The following ROBO2 variants were observed in gnomAD, a reference collection of about 807,000 sequenced individuals.
The protein encoded by ROBO2 is roundabout guidance receptor 2.
A neutral mutation model predicts 160.8 loss-of-function variants in ROBO2; 53 were observed. That is an observed-to-expected ratio of 0.33 (90% confidence interval 0.26 to 0.41). The LOEUF (loss-of-function observed/expected upper bound fraction) is 0.41, where lower values mean the gene tolerates loss of function less well. Ranked by LOEUF, ROBO2 falls within the 10% of genes least tolerant of loss-of-function variation. ROBO2 has a pLI of 1.00. For synonymous variants in ROBO2, 664 were observed against 611.7 expected (o/e 1.09, Z -1.26); for missense variants, 1,577 against 1,722.4 (o/e 0.92, Z 1.49).
At chr3:76,142,464 T>C (rs560993712) in intron 2 of ROBO2, among the ~76,000 whole-genome samples, 1 of 151,976 alleles carries the variant, frequency 6.6e-6, no homozygotes, top group Non-Finnish European at 1.5e-5. Context: ...ATATACACAA[T>C]GGAGTACTAT....
chr3:76,700,395 C>A (rs2093023150), intron 2 of ROBO2, among the ~76,000 whole-genome samples: 2 of 152,010 alleles, frequency 1.3e-5, no homozygotes, highest in South Asian at 2.1e-4. Flanking sequence ...AAATGTTTTT[C>A]TTTTGTTTAA....
intron 2 of ROBO2, among the ~76,000 whole-genome samples, chr3:76,693,371 T>C (rs1483575389): frequency 6.6e-6 from 1 of 151,044 alleles, no homozygotes; most frequent in Non-Finnish European, 1.5e-5. Context: ...TATGTGTATG[T>C]AGCATATATC....
rs189413366 is a variant in ROBO2 at position 76,597,067 on chromosome 3, T to A, written c.110-500947T>A. ...TTGGACATCCACAGTAAAATTTTTT[T>A]AAAAAATGAATCCAACATAAACCTC... On this transcript the variant is annotated intron_variant, in intron 2 of 26. Transcript: ENST00000487694. 7.5e-3 allele frequency among the ~76,000 whole-genome samples: 1,145 copies of A among 152,168 alleles called. 9 individuals carry two copies. Among genetic ancestry groups the A allele is most frequent in the Non-Finnish European group, 0.013 (869 of 67,978 alleles).
At chr3:75,939,761 C>G (rs76013037) in intron 2 of ROBO2, among the ~76,000 whole-genome samples, 1 of 151,560 alleles carries the variant, frequency 6.6e-6, no homozygotes, top group African/African-American at 2.4e-5. Flanking sequence ...TAAATATTAC[C>G]TTTTAACTTT....
At chr3:76,233,211 C>G (rs113242025) in intron 2 of ROBO2, among the ~76,000 whole-genome samples, 1 of 152,088 alleles carries the variant, frequency 6.6e-6, no homozygotes, top group South Asian at 2.1e-4. Flanking sequence ...GTGGCTTGAT[C>G]TCAACTCACT....
chr3:75,935,973 C>T (rs1947761042), intron 1 of ROBO2, among the ~76,000 whole-genome samples: 1 of 152,126 alleles, frequency 6.6e-6, no homozygotes, highest in Non-Finnish European at 1.5e-5. Flanking sequence ...GTGCTTTGTT[C>T]ATAGGATTTC....
At chr3:76,373,707 A>G (rs1285720381) in intron 2 of ROBO2, among the ~76,000 whole-genome samples, 2 of 152,000 alleles carry the variant, frequency 1.3e-5, no homozygotes, top group Non-Finnish European at 2.9e-5. Flanking sequence ...TGAAGATTGC[A>G]TCAGCTGGTT....
chr3:76,175,981 T>A (rs940723375), intron 2 of ROBO2, among the ~76,000 whole-genome samples: 2 of 152,146 alleles, frequency 1.3e-5, no homozygotes, highest in Non-Finnish European at 2.9e-5. Flanking sequence ...TTTTTTATTT[T>A]TTTTTCTTCT....
intron 2 of ROBO2, among the ~76,000 whole-genome samples, chr3:76,650,094 T>A (rs2091182019): frequency 6.6e-6 from 1 of 151,990 alleles, no homozygotes; most frequent in African/African-American, 2.4e-5. Flanking sequence ...AACACAACCT[T>A]ATTCCCAGAG....
chr3:76,778,671 A>G (rs2062434222), intron 2 of ROBO2, among the ~76,000 whole-genome samples: 1 of 151,094 alleles, frequency 6.6e-6, no homozygotes, highest in Non-Finnish European at 1.5e-5. Flanking sequence ...TAATTTTCCA[A>G]AATATTACAA....
intron 2 of ROBO2, among the ~76,000 whole-genome samples, chr3:76,787,325 A>AC (rs1560560957): frequency 3.0e-5 from 3 of 100,962 alleles, no homozygotes; most frequent in Non-Finnish European, 7.2e-5. Flanking sequence ...AAATGTAAAC[A>AC]CACCACACAC....
At chr3:76,252,631 A>T (rs902311658) in intron 2 of ROBO2, among the ~76,000 whole-genome samples, 19 of 152,042 alleles carry the variant, frequency 1.2e-4, no homozygotes, top group African/African-American at 4.3e-4. Flanking sequence ...GAAAAATATC[A>T]AATAAAAAAA....
intron 2 of ROBO2, among the ~76,000 whole-genome samples, chr3:76,478,353 T>C (rs2079042263): frequency 5.9e-5 from 9 of 151,742 alleles, no homozygotes; most frequent in Admixed American, 5.9e-4. Flanking sequence ...ACAAAGGACA[T>C]GAACTCATCA....
intron 2 of ROBO2, among the ~76,000 whole-genome samples, chr3:77,436,190 T>G (rs575750187): frequency 2.8e-4 from 42 of 151,668 alleles, no homozygotes; most frequent in Middle Eastern, 3.4e-3. Context: ...ATCAGATATA[T>G]TGGGCTGATG....
intron 2 of ROBO2, among the ~76,000 whole-genome samples, chr3:76,245,672 A>G (rs1484002696): frequency 2.0e-5 from 3 of 152,036 alleles, no homozygotes; most frequent in African/African-American, 4.8e-5. Flanking sequence ...TCTAGTCTCA[A>G]AGGGCTTGGG....
intron 2 of ROBO2, among the ~76,000 whole-genome samples, chr3:76,638,097 C>T (rs184206062): frequency 1.3e-5 from 2 of 152,270 alleles, no homozygotes; most frequent in Admixed American, 6.5e-5. Context: ...CTATCATGTA[C>T]TTGATCCAGT....
Position 76,225,905 on chromosome 3 carries a change from G to A in ROBO2, c.109+288303G>A, listed in dbSNP as rs2324492. On this transcript the variant is annotated intron_variant, in intron 2 of 26. Coordinates refer to the ROBO2 transcript ENST00000487694. The stretch of plus-strand genomic sequence containing the variant: ...ATTAACTCTAAGATTTTTTTTCCAA[G>A]TTCCAAATTCTATGATTATGGCAAA... Among the ~76,000 whole-genome samples the A allele has an allele frequency of 3.5e-3, 537 of 151,902 alleles. 7 individuals are homozygous for A. The highest frequency in any genetic ancestry group is 0.025 in the Admixed American group (375 of 15,254).
chr3:76,305,976 A>G (rs781624794), intron 2 of ROBO2, among the ~76,000 whole-genome samples: 2 of 152,112 alleles, frequency 1.3e-5, no homozygotes, highest in Non-Finnish European at 1.5e-5. Context: ...TGTCCTGTGC[A>G]TCGCAGGGTG....
chr3:75,981,235 T>C (rs1457304519), intron 2 of ROBO2, among the ~76,000 whole-genome samples: 1 of 151,508 alleles, frequency 6.6e-6, no homozygotes, highest in African/African-American at 2.4e-5. Context: ...TACACAACCT[T>C]ATATTTTATT....
Sources: gnomAD v4.1 joint callset for allele counts (sites outside exome capture counted in the v4.1 genomes callset) on GRCh38, gnomAD v4.1.1 for gene constraint, MANE v1.5 for transcripts, NCBI Gene and HGNC (gene_info 2026-07-23, HGNC 2026-07-21) for gene names.